The following RARS1 variants were observed in gnomAD, a reference collection of about 807,000 sequenced individuals.
RARS1 encodes the protein arginyl-tRNA synthetase 1, also known as arginine--tRNA ligase, cytoplasmic.
A neutral mutation model predicts 78.7 loss-of-function variants in RARS1; 75 were observed. That is an observed-to-expected ratio of 0.95 (90% CI 0.79 to 1.15). The LOEUF is 1.15. Ranked by LOEUF, RARS1 falls within the 50% of genes most tolerant of loss-of-function variation. The pLI is 0.00. For missense variants in RARS1, 787 were observed against 787.5 expected (o/e 1.00, Z 0.01); for synonymous variants, 273 against 268.2 (o/e 1.02, Z -0.18).
At chr5:168,495,192 TTGTTATTAAATG>T (rs1758158937) in intron 5 of RARS1, 111 bp from the exon 6 acceptor site, 4 of 1,417,508 alleles carry the variant, frequency 2.8e-6, no homozygotes, top group Non-Finnish European at 3.7e-6. Context: ...AAGTCTGAGT[TTGTTATTAAATG>T]TGTTATTAAT....
At chr5:168,489,889 A>G (rs1758047015) in intron 2 of RARS1, among the ~76,000 whole-genome samples, 1 of 148,374 alleles carries the variant, frequency 6.7e-6, no homozygotes, top group Non-Finnish European at 1.5e-5. Context: ...ATCTCAGCTC[A>G]CAATAACCTC....
At chr5:168,513,512 G>A (rs987921731) in intron 12 of RARS1, among the ~76,000 whole-genome samples, 1 of 152,008 alleles carries the variant, frequency 6.6e-6, no homozygotes, top group Non-Finnish European at 1.5e-5. Context: ...TAGAGATGAG[G>A]TTTCACCATG....
chr5:168,500,695 G>C lies in RARS1; in HGVS notation c.927G>C (p.Lys309Asn), dbSNP rs748437140. The C allele has an allele frequency of 6.2e-7, 1 of 1,611,170 alleles. No individual in the cohort carries two copies. Among genetic ancestry groups the C allele is most frequent in the East Asian group, 2.2e-5 (1 of 44,744 alleles). The change falls in exon 8 of 15, where the codon AAG (lysine) becomes AAC (asparagine). Residue 309 changes from lysine (K) to asparagine (N), a missense_variant. Coordinates refer to ENST00000231572, the MANE Select transcript of RARS1 (RefSeq NM_002887.4). Reference sequence around the variant, plus strand: ...ACCCAGATATTACAAAAGCTTGGAAGCTTATCTGTGATGTCTCCCGCCAAG... The same window carrying C: ...ACCCAGATATTACAAAAGCTTGGAACCTTATCTGTGATGTCTCCCGCCAAG... ...GKNPDITKAW[K>N]LICDVSRQEL...
chr5:168,510,450 G>T, intron 11 of RARS1, 131 bp from the exon 12 acceptor site: 1 of 686,212 alleles, frequency 1.5e-6, no homozygotes. Flanking sequence ...GTTCTCAGGG[G>T]CAATATGTAC....
intron 1 of RARS1, chr5:168,488,302 A>C: frequency 3.0e-6 from 1 of 337,292 alleles, no homozygotes; most frequent in South Asian, 2.4e-5. Flanking sequence ...TAATTTTTGT[A>C]TTTTTAGTAG....
At chr5:168,493,043 A>C in intron 3 of RARS1, 196 bp downstream of exon 3, 1 of 501,664 alleles carries the variant, frequency 2.0e-6, no homozygotes, top group Non-Finnish European at 3.5e-6. Flanking sequence ...GGTTTGGTTA[A>C]ATTTTATATG....
chr5:168,505,431 A>C (rs972598618), intron 9 of RARS1, among the ~76,000 whole-genome samples: 1 of 152,136 alleles, frequency 6.6e-6, no homozygotes, highest in Non-Finnish European at 1.5e-5. Context: ...TGTTTCCGGG[A>C]CCTTGAAACA....
chr5:168,495,049 A>G lies in RARS1; in HGVS notation c.580-266A>G, dbSNP rs1482226995. On this transcript the variant is annotated intron_variant, in intron 5 of 14. Coordinates refer to ENST00000231572, the MANE Select transcript of RARS1 (RefSeq NM_002887.4). ...TTCCACAAGGCATTTGAGGTAGCCA[A>G]TTGATACACAGATATCACTGAAATA... 6.2e-5 allele frequency: 28 copies of G among 452,080 alleles called. No individual in the cohort carries two copies. The East Asian group carries it at 1.3e-3, about 21-fold the overall frequency. The allele number at this position is 452,080 out of a possible 1,614,324, so 28.0% of individuals were successfully genotyped here.
chr5:168,510,643 T>A lies in RARS1; in HGVS notation c.1409T>A (p.Leu470Gln). The change falls in exon 12 of 15, where the codon CTA (leucine) becomes CAA (glutamine). Residue 470 changes from leucine to glutamine, a missense_variant. Leu to Gln is a moderately radical substitution (Grantham distance 113). Coordinates refer to ENST00000231572, the MANE Select transcript of RARS1 (RefSeq NM_002887.4). ...VRLMDLLGEG[L>Q]KRSMDKLKEK... ...CTCATGGATCTTCTGGGAGAAGGAC[T>A]AAAACGATCCATGGACAAGTTGAAG... 1 of 1,611,388 alleles carries A rather than the reference T, an allele frequency of 6.2e-7. No individual in the cohort carries two copies. The highest frequency in any genetic ancestry group is 8.5e-7 in the Non-Finnish European group (1 of 1,179,300).
rs71603864 is a variant in RARS1, at chr5:168,489,211, G to A, written c.180+475G>A. On this transcript the variant is annotated intron_variant, in intron 2 of 14. Coordinates refer to ENST00000231572, the MANE Select transcript of RARS1 (RefSeq NM_002887.4). ...ATTTTTTTTTTTTAATAGAGATGGG[G>A]TCTTGCTGTGTTGGCCAGGCTGGCC... is the stretch of plus-strand genomic sequence containing the variant. 6.9e-3 allele frequency among the ~76,000 whole-genome samples: 1,046 copies of A among 152,000 alleles called. 7 individuals carry two copies. Among genetic ancestry groups the A allele is most frequent in the Non-Finnish European group, 0.011 (739 of 67,984 alleles).
intron 11 of RARS1, among the ~76,000 whole-genome samples, chr5:168,507,434 A>G (rs967195680): frequency 2.6e-5 from 4 of 152,180 alleles, no homozygotes; most frequent in African/African-American, 4.8e-5. Flanking sequence ...AGCATTTTTC[A>G]TGTTGTAACC....
intron 12 of RARS1, among the ~76,000 whole-genome samples, chr5:168,515,541 T>C (rs990467420): frequency 1.3e-5 from 2 of 152,260 alleles, no homozygotes; most frequent in African/African-American, 4.8e-5. Flanking sequence ...ATAAAGATTA[T>C]GGCTGAGGTT....
chr5:168,517,833 C>T lies in RARS1; in HGVS notation c.1644C>T (p.Ala548=). Residue 548 remains alanine (A), a synonymous_variant, in exon 14 of 15, where the codon GCC becomes GCT. Coordinates refer to ENST00000231572, the MANE Select transcript of RARS1 (RefSeq NM_002887.4). Reference sequence around the variant, plus strand: ...TTTTAAGGTCTATTGCACGTCTGGCCAATATTGATGAAGAAATGCTCCAAA... The same window carrying T: ...TTTTAAGGTCTATTGCACGTCTGGCTAATATTGATGAAGAAATGCTCCAAA... The part of the protein sequence containing the change: ...FTRIRSIARL[A]NIDEEMLQKA... The T allele has an allele frequency of 6.2e-7, 1 of 1,600,116 alleles. No homozygotes were observed. The highest frequency in any genetic ancestry group is 1.1e-5 in the South Asian group (1 of 90,838).
Position 168,502,300 on chromosome 5 carries a change from A to G in RARS1, c.1057+195A>G, listed in dbSNP as rs115905321. On this transcript the variant is annotated intron_variant, in intron 9 of 14. Coordinates refer to ENST00000231572, the MANE Select transcript of RARS1 (RefSeq NM_002887.4). Reference sequence around the variant, plus strand: ...ATTCCATCTATAATGACTTTGGTATATGTCTCTGAAAGAACAGGACCTTCT... The same window carrying G: ...ATTCCATCTATAATGACTTTGGTATGTGTCTCTGAAAGAACAGGACCTTCT... 3.8e-3 allele frequency among the ~76,000 whole-genome samples: 567 copies of G among 150,538 alleles called. 3 individuals carry two copies. The highest frequency in any genetic ancestry group is 0.013 in the African/African-American group (539 of 41,064).
Position 168,486,561 on chromosome 5 carries a change from C to T in RARS1, c.45+18C>T, listed in dbSNP as rs1190495017. The T allele has an allele frequency of 2.6e-6, 4 of 1,553,314 alleles. No individual in the cohort carries two copies. Among genetic ancestry groups the T allele is most frequent in the African/African-American group, 1.4e-5 (1 of 73,536 alleles). On this transcript the variant is annotated intron_variant, in intron 1 of 14. Transcript: ENST00000231572. ...TGCAGCAGGTTTGGACGCAGGAGAC[C>T]GGCGGGAAGGCCTGAAAGAGATGGA...
rs1758719511 is a variant in RARS1, at chr5:168,518,344, G to A, written c.1873+282G>A. On this transcript the variant is annotated intron_variant, in intron 14 of 14. Coordinates refer to ENST00000231572, the MANE Select transcript of RARS1 (RefSeq NM_002887.4). ...GGTTTTCAGATTTATTTTATTCATG[G>A]AAACTTCCACTTTTTCCCTAACAGT... Among the ~76,000 whole-genome samples, 7 of 151,872 alleles carry A rather than the reference G, an allele frequency of 4.6e-5. No individual in the cohort carries two copies. The South Asian group carries it at 1.5e-3, about 32-fold the overall frequency.
chr5:168,517,247 A>T (rs1190284406), intron 13 of RARS1, among the ~76,000 whole-genome samples: 1 of 151,996 alleles, frequency 6.6e-6, no homozygotes, highest in Non-Finnish European at 1.5e-5. Flanking sequence ...GGTTCAGGTG[A>T]TTCTCCTGCC....
chr5:168,515,712 C>T (rs539289895), intron 12 of RARS1, among the ~76,000 whole-genome samples: 1 of 152,306 alleles, frequency 6.6e-6, no homozygotes, highest in East Asian at 1.9e-4. Context: ...AAATATGGCC[C>T]TCTGGCCATA....
In RARS1 at chr5:168,502,384, A is replaced by ATATTT. The variant is rs1280220276; in HGVS notation, c.1057+280_1057+281insATTTT. On this transcript the variant is annotated intron_variant, in intron 9 of 14. Coordinates refer to ENST00000231572, the MANE Select transcript of RARS1 (RefSeq NM_002887.4). ...CAAATATATATATATATATATATAT[A>ATATTT]TTTTTTTTTTTTAAAACAATCTTGC... 2.4e-3 allele frequency among the ~76,000 whole-genome samples: 305 copies of ATATTT among 127,218 alleles called. 1 individual carries two copies. Among genetic ancestry groups the ATATTT allele is most frequent in the African/African-American group, 8.5e-3 (270 of 31,638 alleles). 83.5% of individuals were successfully genotyped at this position (127,218 alleles called of 152,430 possible).
Sources: allele counts gnomAD v4.1 joint callset (sites outside exome capture counted in the v4.1 genomes callset), GRCh38; gene constraint gnomAD v4.1.1; transcripts MANE v1.5; gene names NCBI Gene and HGNC (gene_info 2026-07-23, HGNC 2026-07-21).